CXXC4: variants seen among roughly 807,000 people sequenced by gnomAD.
CXXC4 encodes CXXC finger protein 4.
Under a neutral mutation model 20.5 loss-of-function variants are expected in CXXC4, and 5 were observed. The observed-to-expected ratio is 0.24, with a 90% CI of 0.13 to 0.51. CXXC4 has a LOEUF of 0.51. Ranked by LOEUF, CXXC4 falls within the 20% of genes least tolerant of loss-of-function variation. The pLI is 0.97. For missense variants in CXXC4, 419 were observed against 496.4 expected (o/e 0.84, Z 1.48); for synonymous variants, 250 against 216.4 (o/e 1.16, Z -1.36).
chr4:104,484,194 CCAA>C (rs780863328), intron 2 of CXXC4, among the ~76,000 whole-genome samples: 1 of 151,938 alleles, frequency 6.6e-6, no homozygotes, highest in South Asian at 2.1e-4. Flanking sequence ...TTTCAGTTTG[CCAA>C]CAACATTAAA....
At chr4:104,475,997 G>C (rs991976217) in intron 2 of CXXC4, among the ~76,000 whole-genome samples, 2 of 152,068 alleles carry the variant, frequency 1.3e-5, no homozygotes, top group Non-Finnish European at 2.9e-5. Flanking sequence ...CTGCTGTAAA[G>C]CACAGTGTTC....
intron 2 of CXXC4, among the ~76,000 whole-genome samples, chr4:104,479,527 A>T (rs949959555): frequency 1.3e-5 from 2 of 152,130 alleles, no homozygotes; most frequent in African/African-American, 4.8e-5. Flanking sequence ...TGTGGCTCAG[A>T]ATCTGTTATG....
chr4:104,479,502 A>G (rs1736500784), intron 2 of CXXC4, among the ~76,000 whole-genome samples: 1 of 152,128 alleles, frequency 6.6e-6, no homozygotes, highest in Non-Finnish European at 1.5e-5. Flanking sequence ...TTTTGGATGT[A>G]GTCACTGAGC....
Position 104,468,622 on chromosome 4 carries a change from A to G in CXXC4, c.*3700T>C, listed in dbSNP as rs1408565140. 6.6e-6 allele frequency: 1 copy of G among 151,864 alleles called. No homozygotes were observed. The highest frequency in any genetic ancestry group is 1.5e-5 in the Non-Finnish European group (1 of 67,898). The allele number at this position is 151,864 out of a possible 1,614,324, so 9.4% of individuals were successfully genotyped here. ...TGAAATATCTGTTTTGCAATTGTGA[A>G]AATGGAATCCCTCCTAATATAGTAG... On this transcript the variant is annotated 3_prime_UTR_variant, in exon 3 of 3. Coordinates refer to ENST00000394767, the MANE Select transcript of CXXC4 (RefSeq NM_025212.4).
At chr4:104,488,111 C>G (rs191201448) in intron 2 of CXXC4, among the ~76,000 whole-genome samples, 33 of 152,242 alleles carry the variant, frequency 2.2e-4, no homozygotes, top group African/African-American at 7.2e-4. Flanking sequence ...TTAATTGGCA[C>G]CCATAATTCA....
chr4:104,492,176 T>A, intron 1 of CXXC4, 117 bp from the exon 2 acceptor site: 1 of 156,482 alleles, frequency 6.4e-6, no homozygotes, highest in Non-Finnish European at 1.4e-5. Context: ...CATCAGGTCG[T>A]TTGCATAAGA....
chr4:104,493,961 T>C (rs956758470), intron 1 of CXXC4, among the ~76,000 whole-genome samples: 3 of 152,116 alleles, frequency 2.0e-5, no homozygotes, highest in Admixed American at 6.5e-5. Flanking sequence ...AAATAAATAA[T>C]TTAACGTCCC....
chr4:104,472,463 C>A, intron 2 of CXXC4, 97 bp from the exon 3 acceptor site: 2 of 767,862 alleles, frequency 2.6e-6, no homozygotes, highest in Middle Eastern at 3.0e-4. Context: ...TTTTTAGTTA[C>A]CAATGTACAA....
intron 2 of CXXC4, among the ~76,000 whole-genome samples, chr4:104,483,787 C>T (rs573862538): frequency 2.0e-4 from 30 of 151,670 alleles, no homozygotes; most frequent in Admixed American, 5.9e-4. Context: ...GAAACATAAA[C>T]ACACACACAC....
intron 2 of CXXC4, among the ~76,000 whole-genome samples, chr4:104,482,979 A>G (rs1213149115): frequency 1.3e-5 from 2 of 152,194 alleles, no homozygotes; most frequent in East Asian, 3.9e-4. Context: ...TTTCTCAAGA[A>G]TGTTTTCTAA....
intron 2 of CXXC4, among the ~76,000 whole-genome samples, chr4:104,480,135 T>C (rs1736516093): frequency 6.6e-6 from 1 of 152,132 alleles, no homozygotes; most frequent in Non-Finnish European, 1.5e-5. Context: ...ATTTAGATTC[T>C]AATTTCTCCT....
intron 2 of CXXC4, among the ~76,000 whole-genome samples, chr4:104,487,877 T>C (rs560417464): frequency 1.3e-5 from 2 of 151,866 alleles, no homozygotes; most frequent in East Asian, 1.9e-4. Flanking sequence ...AGCAGAAAAA[T>C]AGAAGGCAGT....
rs535861983 is a variant in CXXC4 at position 104,469,237 on chromosome 4, C to T, written c.*3085G>A. 3 of 152,078 alleles carry T rather than the reference C, an allele frequency of 2.0e-5. No individual in the cohort carries two copies. The highest frequency in any genetic ancestry group is 7.2e-5 in the African/African-American group (3 of 41,524). The allele number at this position is 152,078 out of a possible 1,614,324, so 9.4% of individuals were successfully genotyped here. ...AGAGGTTTGCATTAATGATGTTCTT[C>T]GTGATGTTATGGTGCTGAGTGACAA... On this transcript the variant is annotated 3_prime_UTR_variant, in exon 3 of 3. Transcript: ENST00000394767.
rs1736288885 is a variant in CXXC4, at chr4:104,472,044, A to G, written c.*278T>C. 1 of 285,138 alleles carries G rather than the reference A, an allele frequency of 3.5e-6. No homozygotes were observed. Among genetic ancestry groups the G allele is most frequent in the Admixed American group, 5.1e-5 (1 of 19,524 alleles). The allele number at this position is 285,138 out of a possible 1,614,324, so 17.7% of individuals were successfully genotyped here. ...AACTTATTTTTTACAGCCACTTTCA[A>G]AATAGACAACAACTTCACTACTATA... On this transcript the variant is annotated 3_prime_UTR_variant, in exon 3 of 3. Coordinates refer to ENST00000394767, the MANE Select transcript of CXXC4 (RefSeq NM_025212.4).
At chr4:104,490,583 G>A (rs1211356818) in intron 2 of CXXC4, among the ~76,000 whole-genome samples, 161 bp downstream of exon 2, 1 of 152,226 alleles carries the variant, frequency 6.6e-6, no homozygotes, top group Non-Finnish European at 1.5e-5. Flanking sequence ...GCGGGTGGTG[G>A]AGAGGCCAAG....
At chr4:104,485,745 A>G (rs181157549) in intron 2 of CXXC4, among the ~76,000 whole-genome samples, 71 of 152,226 alleles carry the variant, frequency 4.7e-4, no homozygotes, top group African/African-American at 1.6e-3. Flanking sequence ...ACTGGAGCAA[A>G]TATGGATCAA....
At chr4:104,492,983 A>G (rs987680091) in intron 1 of CXXC4, among the ~76,000 whole-genome samples, 1 of 151,376 alleles carries the variant, frequency 6.6e-6, no homozygotes, top group African/African-American at 2.4e-5. Flanking sequence ...TTCCGAAGAC[A>G]AGAGGAAAGC....
Position 104,490,728 on chromosome 4 carries a change from A to G in CXXC4, c.1059+16T>C. 2 of 1,588,372 alleles carry G rather than the reference A, an allele frequency of 1.3e-6. No individual in the cohort carries two copies. Among genetic ancestry groups the G allele is most frequent in the Non-Finnish European group, 1.7e-6 (2 of 1,165,398 alleles). ...GAAGGGGGGAGACTGGGAAACAAGA[A>G]ATCATCTCCTCTGACCTCTAGTGAA... On this transcript the variant is annotated intron_variant, in intron 2 of 2. Transcript: ENST00000394767.
At chr4:104,485,827 T>C (rs1234344187) in intron 2 of CXXC4, among the ~76,000 whole-genome samples, 4 of 152,098 alleles carry the variant, frequency 2.6e-5, no homozygotes, top group Non-Finnish European at 4.4e-5. Flanking sequence ...TTTGTACTTA[T>C]CAATCTATAA....
Sources: allele counts gnomAD v4.1 joint callset (sites outside exome capture counted in the v4.1 genomes callset), GRCh38; gene constraint gnomAD v4.1.1; transcripts MANE v1.5; gene names NCBI Gene and HGNC (gene_info 2026-07-23, HGNC 2026-07-21).